The following TYW1B variants were observed in gnomAD, a reference collection of about 807,000 sequenced individuals.
TYW1B encodes tRNA-yW synthesizing protein 1 homolog B.
Under a neutral mutation model 86.9 loss-of-function variants are expected in TYW1B, and 73 were observed. The ratio of observed to expected loss-of-function variants is 0.84; its 90% confidence interval spans 0.70 to 1.02. The LOEUF (loss-of-function observed/expected upper bound fraction) is 1.02, where lower values mean the gene tolerates loss of function less well. Ranked by LOEUF, TYW1B falls within the 50% of genes least tolerant of loss-of-function variation. TYW1B has a pLI of 0.00. For synonymous variants in TYW1B, 248 were observed against 292.8 expected (o/e 0.85, Z 1.56); for missense variants, 637 against 827.4 (o/e 0.77, Z 2.82).
chr7:72,739,626 G>T (rs1787267218), intron 8 of TYW1B, among the ~76,000 whole-genome samples: 1 of 149,946 alleles, frequency 6.7e-6, no homozygotes, highest in South Asian at 2.1e-4. Flanking sequence ...AAAAAAAGTG[G>T]GTAGAGGGGT....
At chr7:72,617,574 C>G (rs1554437153) in intron 12 of TYW1B, among the ~76,000 whole-genome samples, 2 of 152,176 alleles carry the variant, frequency 1.3e-5, no homozygotes, top group Non-Finnish European at 2.9e-5. Context: ...GCCATGTTGA[C>G]CAGGCTGGTC....
chr7:72,821,844 A>C (rs1788832758), intron 2 of TYW1B, among the ~76,000 whole-genome samples: 1 of 152,198 alleles, frequency 6.6e-6, no homozygotes, highest in Non-Finnish European at 1.5e-5. Flanking sequence ...TTGGGAGTTC[A>C]GTTTTGAGCA....
intron 11 of TYW1B, among the ~76,000 whole-genome samples, chr7:72,677,166 C>T (rs1366409847): frequency 2.6e-5 from 4 of 151,984 alleles, no homozygotes; most frequent in East Asian, 3.9e-4. Context: ...TTCATTCATT[C>T]GAGACAGGGT....
rs1211033826 is a variant in TYW1B at position 72,641,773 on chromosome 7, T to C, written c.1507-12776A>G. 4.6e-5 allele frequency among the ~76,000 whole-genome samples: 7 copies of C among 152,326 alleles called. No homozygotes were observed. In the South Asian group the frequency reaches 1.0e-3, roughly 23 times the overall value. On this transcript the variant is annotated intron_variant, in intron 11 of 13. Transcript: ENST00000620995. ...TGTAAATGTATGAAATGCCACTTCG[T>C]TGTTCATGTTAAAACAGTTCATTTT...
Position 72,814,192 on chromosome 7 carries a change from C to T in TYW1B, c.237+1188G>A, listed in dbSNP as rs182651038. ...TTCCTTGATTAAGAGATTCGAAATA[C>T]GGGGGAAGGCTGGGCATATCTGTAA... On this transcript the variant is annotated intron_variant, in intron 3 of 13. Transcript: ENST00000620995. Among the ~76,000 whole-genome samples, 7 of 151,946 alleles carry T rather than the reference C, an allele frequency of 4.6e-5. No individual in the cohort carries two copies. The East Asian group carries it at 1.2e-3, about 25-fold the overall frequency.
chr7:72,699,768 GC>G (rs782025659), intron 10 of TYW1B, among the ~76,000 whole-genome samples: 85 of 151,778 alleles, frequency 5.6e-4, no homozygotes, highest in Non-Finnish European at 9.7e-4. Flanking sequence ...TCCTACCTCA[GC>G]CTCCCAAGTA....
At chr7:72,771,972 A>G (rs59973580) in intron 7 of TYW1B, among the ~76,000 whole-genome samples, 118,996 of 151,108 alleles carry the variant, frequency 0.79, 47,054 homozygotes, top group Middle Eastern at 0.8. Context: ...TCAGACTCCC[A>G]CGTAATTGGG....
chr7:72,703,477 C>T (rs1481781801), intron 10 of TYW1B, among the ~76,000 whole-genome samples: 2 of 152,020 alleles, frequency 1.3e-5, no homozygotes, highest in Non-Finnish European at 2.9e-5. Flanking sequence ...TATACAATTT[C>T]GACCCTGTTT....
rs1554436973 is a variant in TYW1B, at chr7:72,616,776, C to T, written c.1681G>A (p.Glu561Lys). 1 of 1,614,236 alleles carries T rather than the reference C, an allele frequency of 6.2e-7. No individual in the cohort carries two copies. The highest frequency in any genetic ancestry group is 1.6e-4 in the Middle Eastern group (1 of 6,062). ...TCGCGGACAAACTGTACCACTTCCT[C>T]ATGCCAGGGCACATGGGCCATGGTA... Reference protein sequence around the residue: ...SLTMAHVPWHEEVVQFVRELV... With the variant: ...SLTMAHVPWHKEVVQFVRELV... Residue 561 changes from glutamate to lysine, a missense_variant, in exon 13 of 14, where the codon GAG becomes AAG. Transcript: ENST00000620995.
chr7:72,774,000 G>T (rs1390884676), intron 7 of TYW1B, among the ~76,000 whole-genome samples: 4 of 150,492 alleles, frequency 2.7e-5, no homozygotes, highest in African/African-American at 9.8e-5. Flanking sequence ...AGGAGGAGGA[G>T]GTGGTGAGCC....
At chr7:72,785,860 C>T (rs1554472359) in intron 6 of TYW1B, among the ~76,000 whole-genome samples, 1 of 152,108 alleles carries the variant, frequency 6.6e-6, no homozygotes, top group African/African-American at 2.4e-5. Flanking sequence ...CACCTGTAAT[C>T]CCAGCACTTC....
intron 13 of TYW1B, among the ~76,000 whole-genome samples, chr7:72,587,959 T>G (rs1254253220): frequency 6.6e-6 from 1 of 152,216 alleles, no homozygotes; most frequent in Non-Finnish European, 1.5e-5. Flanking sequence ...TTCATTACAG[T>G]GGTATCTTTT....
chr7:72,698,163 G>A (rs1433118065), intron 10 of TYW1B, among the ~76,000 whole-genome samples: 1 of 152,074 alleles, frequency 6.6e-6, no homozygotes, highest in Non-Finnish European at 1.5e-5. Flanking sequence ...AGAGGAGGAG[G>A]GTGAAAGAGA....
At chr7:72,690,664 T>C (rs575385373) in intron 11 of TYW1B, among the ~76,000 whole-genome samples, 29 of 152,264 alleles carry the variant, frequency 1.9e-4, no homozygotes, top group Non-Finnish European at 3.5e-4. Flanking sequence ...TAACAGAAGA[T>C]AACAGTATGG....
At chr7:72,827,276 C>T (rs1375779489) in intron 1 of TYW1B, among the ~76,000 whole-genome samples, 14 of 152,070 alleles carry the variant, frequency 9.2e-5, no homozygotes, top group Non-Finnish European at 1.6e-4. Context: ...GGCATGGTGG[C>T]GCGCGCCTGT....
Position 72,594,313 on chromosome 7 carries a change from A to G in TYW1B, c.1786-18594T>C, listed in dbSNP as rs1327354277. On this transcript the variant is annotated intron_variant, in intron 13 of 13. Transcript: ENST00000620995. The stretch of plus-strand genomic sequence containing the variant: ...AAATAAGACTTGAATTACCAAAATC[A>G]GAAATGATTTTGCTACCAATTCTGC... Among the ~76,000 whole-genome samples the G allele has an allele frequency of 2.0e-5, 3 of 151,430 alleles. No homozygotes were observed. The Admixed American group carries it at 2.0e-4, about 10-fold the overall frequency.
At chr7:72,815,278 A>G (rs1554479190) in intron 3 of TYW1B, 102 bp downstream of exon 3, 1 of 1,072,968 alleles carries the variant, frequency 9.3e-7, no homozygotes, top group African/African-American at 1.6e-5. Context: ...CACGAAAATT[A>G]AATTTATTCT....
At chr7:72,582,946 CA>C (rs1302014064) in intron 13 of TYW1B, among the ~76,000 whole-genome samples, 2 of 151,448 alleles carry the variant, frequency 1.3e-5, no homozygotes, top group Admixed American at 6.6e-5. Flanking sequence ...TATAATAATG[CA>C]AAAAAAATCA....
At chr7:72,696,108 C>A (rs782019582) in intron 10 of TYW1B, among the ~76,000 whole-genome samples, 2 of 151,890 alleles carry the variant, frequency 1.3e-5, no homozygotes, top group African/African-American at 4.8e-5. Flanking sequence ...CTGCCACATC[C>A]GGCTAATTTT....
Sources: gnomAD v4.1 joint callset for allele counts (sites outside exome capture counted in the v4.1 genomes callset) on GRCh38, gnomAD v4.1.1 for gene constraint, MANE v1.5 for transcripts, NCBI Gene and HGNC (gene_info 2026-07-23, HGNC 2026-07-21) for gene names.